Variants in SPATA13 observed in about 807,000 individuals in gnomAD.
SPATA13 encodes the protein spermatogenesis-associated protein 13.
In SPATA13, 50 loss-of-function variants were observed where a neutral mutation model predicts 104.0. The ratio of observed to expected loss-of-function variants is 0.48; its 90% confidence interval spans 0.38 to 0.61. The LOEUF (loss-of-function observed/expected upper bound fraction) is 0.61, where lower values mean the gene tolerates loss of function less well. Ranked by LOEUF, SPATA13 falls within the 20% of genes least tolerant of loss-of-function variation. SPATA13 has a pLI of 0.00. For missense variants in SPATA13, 1,524 were observed against 1,690.6 expected (o/e 0.90, Z 1.73); for synonymous variants, 606 against 667.5 (o/e 0.91, Z 1.42).
intron 3 of SPATA13, among the ~76,000 whole-genome samples, chr13:24,127,385 C>G (rs1319332161): frequency 6.6e-6 from 1 of 152,186 alleles, no homozygotes; most frequent in Non-Finnish European, 1.5e-5. Context: ...TCATTTCCTT[C>G]TCTCTCCCTC....
chr13:24,186,585 T>C (rs1282521071), intron 1 of SPATA13, among the ~76,000 whole-genome samples: 1 of 152,224 alleles, frequency 6.6e-6, no homozygotes, highest in Non-Finnish European at 1.5e-5. Flanking sequence ...GTCTAAGTAA[T>C]GCCACTGTGC....
chr13:24,270,997 C>T, intron 4 of SPATA13: 1 of 885,048 alleles, frequency 1.1e-6, no homozygotes, highest in South Asian at 1.4e-5. Context: ...CTTCCCCTCT[C>T]TCTCTCTCTC....
Position 24,092,714 on chromosome 13 carries a change from T to A in SPATA13, c.-112+75013T>A, listed in dbSNP as rs901873237. ...ATGTACTGTTTATTCCCTTTCAAAC[T>A]GCCACATTTGGCAGCTTGCTATTTC... On this transcript the variant is annotated intron_variant, in intron 3 of 14. Transcript: ENST00000424834. Among the ~76,000 whole-genome samples, 4 of 152,376 alleles carry A rather than the reference T, an allele frequency of 2.6e-5. No individual in the cohort carries two copies. The East Asian group carries it at 7.7e-4, about 29-fold the overall frequency.
At chr13:24,109,201 A>T (rs1593335112) in intron 3 of SPATA13, among the ~76,000 whole-genome samples, 1 of 152,246 alleles carries the variant, frequency 6.6e-6, no homozygotes, top group Middle Eastern at 3.4e-3. Flanking sequence ...GAGTGAAAAC[A>T]TGCGGTGTTT....
chr13:24,286,825 G>T lies in SPATA13; in HGVS notation c.2542G>T (p.Asp848Tyr), dbSNP rs1454542335. 3.1e-6 allele frequency: 5 copies of T among 1,613,528 alleles called. No homozygotes were observed. Among genetic ancestry groups the T allele is most frequent in the Non-Finnish European group, 3.4e-6 (4 of 1,180,008 alleles). Residue 848 changes from aspartate to tyrosine, a missense_variant, in exon 7 of 13, where the codon GAC becomes TAC. This residue lies in a region of SPATA13 where 1,089 missense variants were observed against 1,135.9 expected (regional missense o/e 0.96). Transcript: ENST00000382108. The surrounding 1 kb of genome is among the most constrained non-coding windows in gnomAD (Gnocchi z 4.9). ...CAGCAGCACCCCCAGTGAGGAGCAG[G>T]ACGAGGAGGCCAGCCAGAGCCGCCA... is the stretch of plus-strand genomic sequence containing the variant. ...NSSSTPSEEQDEEASQSRHRH... is the reference protein window; with the variant it reads ...NSSSTPSEEQYEEASQSRHRH...
intron 3 of SPATA13, among the ~76,000 whole-genome samples, chr13:24,147,198 C>G (rs1881960646): frequency 6.6e-6 from 1 of 152,040 alleles, no homozygotes; most frequent in African/African-American, 2.4e-5. Context: ...GATTAATTGG[C>G]CTGGTGGTAT....
chr13:24,056,763 A>G (rs1001576277), intron 3 of SPATA13, among the ~76,000 whole-genome samples: 3 of 152,180 alleles, frequency 2.0e-5, no homozygotes, highest in African/African-American at 7.2e-5. Context: ...AGGAATGAAG[A>G]AAAGACAAGT....
Position 24,260,500 on chromosome 13 carries a change from A to G in SPATA13, c.2164+8638A>G, listed in dbSNP as rs113367480. ...TGACCCCACCAAGCCTGTTTATGGC[A>G]GTTGCTTTATTATGATGATATGGAA... On this transcript the variant is annotated intron_variant, in intron 4 of 12. Transcript: ENST00000382108. Among the ~76,000 whole-genome samples the G allele has an allele frequency of 8.4e-3, 1,286 of 152,308 alleles. 21 individuals carry two copies. The highest frequency in any genetic ancestry group is 0.067 in the South Asian group (325 of 4,826).
chr13:24,303,050 C>A lies in SPATA13; in HGVS notation c.*277C>A. On this transcript the variant is annotated 3_prime_UTR_variant, in exon 13 of 13. Transcript: ENST00000382108. ...CCCAGATGTGGGACCCGGTACCATG[C>A]TCTAAAGCGAGTGATTAGGCAGCAG... 1 of 482,040 alleles carries A rather than the reference C, an allele frequency of 2.1e-6. No individual in the cohort carries two copies. The allele number at this position is 482,040 out of a possible 1,614,324, so 29.9% of individuals were successfully genotyped here.
chr13:24,106,166 T>C (rs765895374), intron 3 of SPATA13, among the ~76,000 whole-genome samples: 6 of 152,154 alleles, frequency 3.9e-5, no homozygotes, highest in Non-Finnish European at 5.9e-5. Flanking sequence ...CCCAAGTAGC[T>C]TGGACACCAG....
At chr13:24,243,620 G>C (rs554252020) in intron 2 of SPATA13, among the ~76,000 whole-genome samples, 22 of 152,162 alleles carry the variant, frequency 1.4e-4, no homozygotes, top group African/African-American at 5.3e-4. Context: ...TCTGTGAAGA[G>C]TACCTGTCTC....
chr13:24,103,348 C>T (rs79720700), intron 3 of SPATA13, among the ~76,000 whole-genome samples: 4,099 of 151,686 alleles, frequency 0.027, 152 homozygotes, highest in African/African-American at 0.082. Context: ...AGGCTGGGTG[C>T]GGTGGCTTGC....
At chr13:24,179,587 C>T (rs1295011573) in intron 1 of SPATA13, among the ~76,000 whole-genome samples, 1 of 78,090 alleles carries the variant, frequency 1.3e-5, no homozygotes, top group Non-Finnish European at 4.1e-5. Flanking sequence ...AAACTCTGTA[C>T]AGATTAAATG....
At chr13:24,237,015 T>A (rs186200295) in intron 2 of SPATA13, among the ~76,000 whole-genome samples, 1 of 152,200 alleles carries the variant, frequency 6.6e-6, no homozygotes, top group East Asian at 1.9e-4. Context: ...GACAAATGGA[T>A]AAAAAGTATA....
In SPATA13 at chr13:24,072,203, GAACA is replaced by G. The variant is rs944559096; in HGVS notation, c.-112+54508_-112+54511del. Among the ~76,000 whole-genome samples, 19 of 152,246 alleles carry G rather than the reference GAACA, an allele frequency of 1.2e-4. 1 individual carries two copies. The highest frequency in any genetic ancestry group is 4.3e-4 in the African/African-American group (18 of 41,542). On this transcript the variant is annotated intron_variant, in intron 3 of 14. Transcript: ENST00000424834. Reference sequence around the variant, plus strand: ...GCTTGTAACTAACCCTAGACATACAGAACAAACAATGTAGAATCAATGCTGAAAA... The same window carrying G: ...GCTTGTAACTAACCCTAGACATACAGAACAATGTAGAATCAATGCTGAAAA...
At chr13:23,987,118 A>G (rs1875185223) in intron 2 of SPATA13, among the ~76,000 whole-genome samples, 1 of 151,046 alleles carries the variant, frequency 6.6e-6, no homozygotes, top group African/African-American at 2.4e-5. Context: ...TGAAACCTAC[A>G]CTGAACCTGT....
chr13:24,069,177 A>G (rs1879074361), intron 3 of SPATA13, among the ~76,000 whole-genome samples: 1 of 152,212 alleles, frequency 6.6e-6, no homozygotes, highest in South Asian at 2.1e-4. Context: ...TGGTAGTTCA[A>G]TAGGAATAGC....
At position 24,088,512 on chromosome 13, in the gene SPATA13, G is replaced by A. The variant is rs9553165; in HGVS notation, c.-112+70811G>A. On this transcript the variant is annotated intron_variant, in intron 3 of 14. Transcript: ENST00000424834. The surrounding 1 kb of genome is among the most constrained non-coding windows in gnomAD (Gnocchi z 4.3). ...AAACACTGGGCACCATGTGTTGATC[G>A]TTGGGTCCACAGCCCAAAGACTGGC... 0.027 allele frequency among the ~76,000 whole-genome samples: 4,028 copies of A among 151,978 alleles called. 147 individuals carry two copies. Among genetic ancestry groups the A allele is most frequent in the South Asian group, 0.081 (390 of 4,792 alleles).
At chr13:23,988,489 C>T (rs1017274342) in intron 2 of SPATA13, among the ~76,000 whole-genome samples, 4 of 152,186 alleles carry the variant, frequency 2.6e-5, no homozygotes, top group African/African-American at 9.7e-5. Context: ...AACCATTTCA[C>T]ACATGTGCAA....
Sources: allele counts gnomAD v4.1 joint callset (sites outside exome capture counted in the v4.1 genomes callset), GRCh38; gene constraint gnomAD v4.1.1; regional missense constraint gnomAD v4.1.1; non-coding constraint Gnocchi (gnomAD v3.1); transcripts MANE v1.5; gene names NCBI Gene and HGNC (gene_info 2026-07-23, HGNC 2026-07-21).